GPBP1: variants seen among roughly 807,000 people sequenced by gnomAD.
GPBP1 encodes the protein vasculin.
In GPBP1, 13 loss-of-function variants were observed where a neutral mutation model predicts 56.5. The ratio of observed to expected loss-of-function variants is 0.23; its 90% CI spans 0.15 to 0.37. The LOEUF (loss-of-function observed/expected upper bound fraction) is 0.37, where lower values mean the gene tolerates loss of function less well. GPBP1 is among the 10% of genes least tolerant of loss of function. The pLI is 1.00. For synonymous variants in GPBP1, 204 were observed against 188.9 expected (o/e 1.08, Z -0.66); for missense variants, 477 against 572.3 (o/e 0.83, Z 1.70).
At chr5:57,213,115 G>T (rs997158173) in intron 2 of GPBP1, among the ~76,000 whole-genome samples, 1 of 151,786 alleles carries the variant, frequency 6.6e-6, no homozygotes, top group Non-Finnish European at 1.5e-5. Context: ...GTGCAGTGGC[G>T]TGATCTTGGC....
chr5:57,247,241 G>A (rs557957157), intron 8 of GPBP1, 26 bp downstream of exon 8: 5 of 1,566,160 alleles, frequency 3.2e-6, no homozygotes, highest in South Asian at 2.3e-5. Context: ...TCACACTTGA[G>A]GAATGTAACA....
At chr5:57,180,009 C>G (rs959902520) in intron 2 of GPBP1, among the ~76,000 whole-genome samples, 4 of 149,838 alleles carry the variant, frequency 2.7e-5, no homozygotes. Flanking sequence ...GAAGAGTGAG[C>G]AGGAAAAAAA....
intron 5 of GPBP1, among the ~76,000 whole-genome samples, chr5:57,231,731 G>A (rs1756469670): frequency 6.6e-6 from 1 of 152,128 alleles, no homozygotes; most frequent in Non-Finnish European, 1.5e-5. Flanking sequence ...TATATTCATT[G>A]TCAATTCTTA....
intron 5 of GPBP1, among the ~76,000 whole-genome samples, chr5:57,234,307 A>G (rs1580054447): frequency 1.3e-5 from 2 of 152,356 alleles, no homozygotes; most frequent in East Asian, 3.9e-4. Context: ...AAACGCATCT[A>G]CCAAGATTAG....
At chr5:57,248,686 G>A (rs912926464) in intron 8 of GPBP1, among the ~76,000 whole-genome samples, 6 of 152,024 alleles carry the variant, frequency 3.9e-5, no homozygotes, top group African/African-American at 1.4e-4. Flanking sequence ...CGCCCGCCTC[G>A]GCCTCCCAAA....
rs146592852 is a variant in GPBP1, at chr5:57,174,575, A to C, written c.-1011+364A>C. Among the ~76,000 whole-genome samples the C allele has an allele frequency of 3.8e-3, 584 of 152,178 alleles. 1 individual carries two copies. Among genetic ancestry groups the C allele is most frequent in the South Asian group, 8.5e-3 (41 of 4,818 alleles). On this transcript the variant is annotated intron_variant, in intron 1 of 11. Coordinates refer to ENST00000506184, the MANE Select transcript of GPBP1 (RefSeq NM_022913.4). ...GCACACGCCCGCCTGGTTTTGCACC[A>C]CTACCCTTCTCAGGGCTGAGGGAGT...
At chr5:57,235,262 G>A (rs1756613632) in intron 5 of GPBP1, among the ~76,000 whole-genome samples, 1 of 151,806 alleles carries the variant, frequency 6.6e-6, no homozygotes, top group Admixed American at 6.6e-5. Flanking sequence ...AGCTGAGATC[G>A]TACCACTTCA....
chr5:57,195,594 A>G (rs1754706550), intron 2 of GPBP1, among the ~76,000 whole-genome samples: 1 of 152,190 alleles, frequency 6.6e-6, no homozygotes, highest in Non-Finnish European at 1.5e-5. Flanking sequence ...ATGAAAAAAG[A>G]CTGGAGTAAG....
At chr5:57,223,783 A>G (rs150079259) in intron 3 of GPBP1, among the ~76,000 whole-genome samples, 2,741 of 149,000 alleles carry the variant, frequency 0.018, 78 homozygotes, top group African/African-American at 0.064. Flanking sequence ...TTAAAATTAT[A>G]TATATAATTT....
intron 2 of GPBP1, among the ~76,000 whole-genome samples, chr5:57,187,003 AGTG>A (rs1394148378): frequency 6.8e-6 from 1 of 146,674 alleles, no homozygotes; most frequent in Non-Finnish European, 1.5e-5. Context: ...GACTCAGAGA[AGTG>A]TGTGTGTGTG....
At chr5:57,254,145 C>T (rs1263619076) in intron 10 of GPBP1, among the ~76,000 whole-genome samples, 4 of 151,656 alleles carry the variant, frequency 2.6e-5, no homozygotes, top group African/African-American at 9.7e-5. Context: ...AGGCTGGTCT[C>T]AAACTCTTGG....
Position 57,252,937 on chromosome 5 carries a change from G to C in GPBP1, c.1160+1796G>C, listed in dbSNP as rs371493505. On this transcript the variant is annotated intron_variant, in intron 10 of 11. Transcript: ENST00000506184. ...TTGGCCAGGCTGTTCTCGAATTCCTGACCTCAAGTGATCCACCTGCCTCAG... is the reference window on the plus strand; with the variant it reads ...TTGGCCAGGCTGTTCTCGAATTCCTCACCTCAAGTGATCCACCTGCCTCAG... 2.4e-3 allele frequency among the ~76,000 whole-genome samples: 360 copies of C among 152,032 alleles called. 4 individuals are homozygous for C. The highest frequency in any genetic ancestry group is 8.5e-3 in the African/African-American group (353 of 41,474).
intron 10 of GPBP1, among the ~76,000 whole-genome samples, chr5:57,260,629 A>AT (rs1023728809): frequency 1.3e-5 from 2 of 152,136 alleles, no homozygotes; most frequent in African/African-American, 2.4e-5. Context: ...CATGATACAC[A>AT]TTTTTTATGA....
At chr5:57,179,119 A>G (rs1193808718) in intron 2 of GPBP1, among the ~76,000 whole-genome samples, 1 of 152,232 alleles carries the variant, frequency 6.6e-6, no homozygotes, top group Non-Finnish European at 1.5e-5. Flanking sequence ...GTCTGACTCC[A>G]GAGCACATAC....
chr5:57,241,227 G>T (rs1296506320), intron 6 of GPBP1, among the ~76,000 whole-genome samples: 2 of 152,090 alleles, frequency 1.3e-5, no homozygotes, highest in Non-Finnish European at 2.9e-5. Flanking sequence ...AAAGAGGTGA[G>T]GAATTGAAAT....
chr5:57,196,560 G>A (rs1214545750), intron 2 of GPBP1, among the ~76,000 whole-genome samples: 2 of 152,100 alleles, frequency 1.3e-5, no homozygotes, highest in East Asian at 1.9e-4. Context: ...AAAGGACCAG[G>A]ATTTAAATAA....
At position 57,249,497 on chromosome 5, in the gene GPBP1, A is replaced by G; in HGVS notation, c.893A>G (p.Lys298Arg). The part of the protein sequence containing the change: ...TKLTRMRTDK[K>R]SEFLKALKRD... ...CTGACACGAATGCGCACTGATAAGA[A>G]GAGTGAATTTTTGAAAGCATTGAAA... The change falls in exon 9 of 12, where the codon AAG becomes AGG. Residue 298 changes from lysine to arginine, a missense_variant. Lys to Arg is a conservative substitution (Grantham distance 26, BLOSUM62 2). Transcript: ENST00000506184. 1 of 1,613,608 alleles carries G rather than the reference A, an allele frequency of 6.2e-7. No individual in the cohort carries two copies.
intron 5 of GPBP1, among the ~76,000 whole-genome samples, chr5:57,234,518 A>G (rs1358365495): frequency 6.6e-6 from 1 of 152,186 alleles, no homozygotes; most frequent in East Asian, 1.9e-4. Context: ...TGGGAGGTTC[A>G]AGTGAAGCCA....
rs560590700 is a variant in GPBP1, at chr5:57,175,345, T to G, written c.-1010-103T>G. 2.8e-5 allele frequency: 11 copies of G among 389,072 alleles called. No homozygotes were observed. The Admixed American group carries it at 4.4e-4, about 16-fold the overall frequency. The allele number at this position is 389,072 out of a possible 1,614,324, so 24.1% of individuals were successfully genotyped here. On this transcript the variant is annotated intron_variant, in intron 1 of 11. Coordinates refer to ENST00000506184, the MANE Select transcript of GPBP1 (RefSeq NM_022913.4). ...TTTTCCAGGCTCCTGTAGGGTTATA[T>G]AGAAGTGATTTTCTCTCCAGAGGTT...
Sources: allele counts gnomAD v4.1 joint callset (sites outside exome capture counted in the v4.1 genomes callset), GRCh38; gene constraint gnomAD v4.1.1; transcripts MANE v1.5; gene names NCBI Gene and HGNC (gene_info 2026-07-23, HGNC 2026-07-21).